The following SLC35D2 variants were observed in gnomAD, a reference collection of about 807,000 sequenced individuals.
SLC35D2 encodes the protein solute carrier family 35 member D2.
A neutral mutation model predicts 41.8 loss-of-function variants in SLC35D2; 43 were observed. That is an observed-to-expected ratio of 1.03 (90% CI 0.81 to 1.33). SLC35D2 has a LOEUF of 1.33. Among genes scored for constraint, SLC35D2 ranks in the 40% most tolerant of loss-of-function variants. The probability of loss-of-function intolerance (pLI) is 0.00; values close to 1 mark genes in which losing one functional copy is unlikely to be tolerated. For synonymous variants in SLC35D2, 150 were observed against 163.9 expected (o/e 0.92, Z 0.65); for missense variants, 380 against 408.4 (o/e 0.93, Z 0.60).
chr9:96,356,473 T>C (rs901810311), intron 4 of SLC35D2, among the ~76,000 whole-genome samples: 1 of 151,742 alleles, frequency 6.6e-6, no homozygotes, highest in Non-Finnish European at 1.5e-5. Flanking sequence ...AAAACTATCT[T>C]GAAAAAGAAG....
At chr9:96,349,659 G>A (rs1406886155) in intron 6 of SLC35D2, among the ~76,000 whole-genome samples, 1 of 152,126 alleles carries the variant, frequency 6.6e-6, no homozygotes, top group Non-Finnish European at 1.5e-5. Context: ...CTGAGTAGCT[G>A]GGATTATAGG....
intron 8 of SLC35D2, among the ~76,000 whole-genome samples, chr9:96,342,357 T>C (rs1277809196): frequency 1.3e-5 from 2 of 152,222 alleles, no homozygotes; most frequent in Non-Finnish European, 2.9e-5. Flanking sequence ...CTCAAACTCC[T>C]GACCTCAGGT....
At chr9:96,350,891 C>G in intron 6 of SLC35D2, 1 of 458,628 alleles carries the variant, frequency 2.2e-6, no homozygotes, top group Non-Finnish European at 3.9e-6. Context: ...TTGCAATGCT[C>G]TCTTCATATA....
At chr9:96,344,392 C>A (rs530497450) in intron 7 of SLC35D2, among the ~76,000 whole-genome samples, 2 of 150,942 alleles carry the variant, frequency 1.3e-5, no homozygotes, top group African/African-American at 4.9e-5. Context: ...TAAAGGACAG[C>A]AGCATCATAT....
At chr9:96,323,882 T>A (rs1828375420) in intron 10 of SLC35D2, among the ~76,000 whole-genome samples, 1 of 151,582 alleles carries the variant, frequency 6.6e-6, no homozygotes, top group Non-Finnish European at 1.5e-5. Flanking sequence ...ACCAAGATCG[T>A]GTCACTGAAC....
chr9:96,364,551 C>G lies in SLC35D2; in HGVS notation c.193-1G>C. ...ATAGTATCATTATGGTGGCTGCCAT[C>G]TGAAGAAAAGGGGAGAGAGAAACTT... On this transcript the variant is annotated splice_acceptor_variant, in intron 2 of 11. Transcript: ENST00000253270. LOFTEE classifies it high-confidence loss of function. The G allele has an allele frequency of 6.3e-7, 1 of 1,588,824 alleles. No individual in the cohort carries two copies. The highest frequency in any genetic ancestry group is 1.1e-5 in the South Asian group (1 of 89,870).
At chr9:96,383,418 C>T in intron 1 of SLC35D2, 59 bp downstream of exon 1, 6 of 1,394,702 alleles carry the variant, frequency 4.3e-6, no homozygotes, top group East Asian at 3.2e-5. Context: ...CTGAAGCGCA[C>T]GGAGGACAGG....
At chr9:96,341,731 T>C (rs1243200676) in intron 8 of SLC35D2, among the ~76,000 whole-genome samples, 3 of 152,176 alleles carry the variant, frequency 2.0e-5, no homozygotes, top group South Asian at 2.1e-4. Flanking sequence ...TATAAGTCAA[T>C]GACGTTGATG....
intron 9 of SLC35D2, among the ~76,000 whole-genome samples, chr9:96,332,388 G>A (rs145019905): frequency 1.2e-3 from 190 of 152,260 alleles, no homozygotes; most frequent in African/African-American, 3.6e-3. Flanking sequence ...CTTTGACTGA[G>A]AAACTACAAG....
intron 9 of SLC35D2, 33 bp downstream of exon 9, chr9:96,336,684 G>A (rs1336433882): frequency 4.7e-6 from 6 of 1,271,194 alleles, no homozygotes; most frequent in Non-Finnish European, 6.8e-6. Flanking sequence ...AGATACTGTT[G>A]ACCAATGCTT....
Position 96,360,189 on chromosome 9 carries a change from G to A in SLC35D2, c.312C>T (p.Asn104=). The change falls in exon 4 of 12, where the codon AAC becomes AAT. Residue 104 remains asparagine (N), a synonymous_variant. Transcript: ENST00000253270. ...TTGTGCTTGATAATCCACTTATGTGGTTTCCAACGTAGAGGAGAGGCAGAG... is the reference window on the plus strand; with the variant it reads ...TTGTGCTTGATAATCCACTTATGTGATTTCCAACGTAGAGGAGAGGCAGAG... ...LFPLPLLYVG[N]HISGLSSTSK... 6.2e-7 allele frequency: 1 copy of A among 1,612,818 alleles called. No homozygotes were observed. The highest frequency in any genetic ancestry group is 8.5e-7 in the Non-Finnish European group (1 of 1,179,276).
At chr9:96,344,564 G>GAAAAAAAAAAAAAAAAAAAAAACAAA (rs760661695) in intron 7 of SLC35D2, among the ~76,000 whole-genome samples, 1 of 24,602 alleles carries the variant, frequency 4.1e-5, no homozygotes, top group Non-Finnish European at 7.7e-5. Context: ...AAACAGAGCA[G>GAAAAAAAAAAAAAAAAAAAAAACAAA]ATAAAAAAAA....
intron 1 of SLC35D2, among the ~76,000 whole-genome samples, chr9:96,381,627 A>C (rs1317626784): frequency 6.6e-6 from 1 of 152,130 alleles, no homozygotes; most frequent in Non-Finnish European, 1.5e-5. Context: ...CATCTGACAT[A>C]ATGTAAATGT....
chr9:96,355,823 A>G (rs1830000303), intron 4 of SLC35D2, among the ~76,000 whole-genome samples: 1 of 152,202 alleles, frequency 6.6e-6, no homozygotes, highest in Non-Finnish European at 1.5e-5. Flanking sequence ...AATCAAAAAA[A>G]GAAAGTAATG....
rs540491293 is a variant in SLC35D2 at position 96,360,287 on chromosome 9, A to G, written c.280-66T>C. On this transcript the variant is annotated intron_variant, in intron 3 of 11. Transcript: ENST00000253270. ...CCAATAAGCATTTTCCTTCACATAT[A>G]AAAATGGTGACAGATACTTCACCAG... The G allele has an allele frequency of 1.4e-5, 17 of 1,243,654 alleles. No individual in the cohort carries two copies. The East Asian group carries it at 4.1e-4, about 30-fold the overall frequency. 77.0% of individuals were successfully genotyped at this position (1,243,654 alleles called of 1,614,324 possible).
intron 1 of SLC35D2, among the ~76,000 whole-genome samples, chr9:96,373,812 T>G (rs1406641402): frequency 2.6e-5 from 4 of 152,174 alleles, no homozygotes; most frequent in African/African-American, 9.7e-5. Context: ...GCTCTCTACG[T>G]TAATTTTCCC....
chr9:96,334,740 T>C (rs2130874511), intron 9 of SLC35D2, among the ~76,000 whole-genome samples: 1 of 152,202 alleles, frequency 6.6e-6, no homozygotes, highest in Admixed American at 6.5e-5. Context: ...AAAAACTGCA[T>C]GCTTAAATTC....
intron 4 of SLC35D2, among the ~76,000 whole-genome samples, chr9:96,354,765 T>TC (rs1554714676): frequency 3.9e-4 from 3 of 7,656 alleles, no homozygotes; most frequent in Non-Finnish European, 6.8e-4. Flanking sequence ...AGACTCCATC[T>TC]CAAAAAAAAA....
At chr9:96,374,951 AT>A (rs530154935) in intron 1 of SLC35D2, among the ~76,000 whole-genome samples, 3 of 150,398 alleles carry the variant, frequency 2.0e-5, no homozygotes, top group Non-Finnish European at 3.0e-5. Flanking sequence ...ATTATAGTAA[AT>A]TTTTTTTAAA....
Sources: allele counts gnomAD v4.1 joint callset (sites outside exome capture counted in the v4.1 genomes callset), GRCh38; gene constraint gnomAD v4.1.1; transcripts MANE v1.5; gene names NCBI Gene and HGNC (gene_info 2026-07-23, HGNC 2026-07-21).